The following RBM27 variants were observed in gnomAD, a reference collection of about 807,000 sequenced individuals.
The protein encoded by RBM27 is RNA-binding protein 27.
Under a neutral mutation model 135.3 loss-of-function variants are expected in RBM27, and 22 were observed. The observed-to-expected ratio is 0.16, with a 90% CI of 0.12 to 0.23. The LOEUF (loss-of-function observed/expected upper bound fraction) is 0.23, where lower values mean the gene tolerates loss of function less well. Among genes scored for constraint, RBM27 ranks in the 10% least tolerant of loss-of-function variants. RBM27 has a pLI of 1.00. For missense variants in RBM27, 1,009 were observed against 1,281.0 expected (o/e 0.79, Z 3.24); for synonymous variants, 481 against 442.4 (o/e 1.09, Z -1.10).
Position 146,206,222 on chromosome 5 carries a change from T to A in RBM27, c.59+2398T>A, listed in dbSNP as rs147879184. 2.4e-3 allele frequency among the ~76,000 whole-genome samples: 360 copies of A among 152,110 alleles called. 1 individual carries two copies. Among genetic ancestry groups the A allele is most frequent in the African/African-American group, 8.1e-3 (337 of 41,550 alleles). On this transcript the variant is annotated intron_variant, in intron 1 of 20. Transcript: ENST00000265271. ...ATGTCTTGGATAGAAGGTAACAACT[T>A]TTAGCCTTATAGTTACTTGCTTTTT...
chr5:146,270,000 C>T (rs1009378791), intron 17 of RBM27, among the ~76,000 whole-genome samples: 2 of 152,042 alleles, frequency 1.3e-5, no homozygotes, highest in African/African-American at 4.8e-5. Flanking sequence ...CTGAAGATGA[C>T]ACTATTAAAG....
At chr5:146,235,293 C>T (rs1055362152) in intron 7 of RBM27, among the ~76,000 whole-genome samples, 2 of 151,872 alleles carry the variant, frequency 1.3e-5, no homozygotes, top group Admixed American at 6.6e-5. Context: ...CAGTGGTGCA[C>T]GCCTGTAATT....
chr5:146,255,074 A>G lies in RBM27; in HGVS notation c.1576A>G (p.Met526Val). Residue 526 changes from methionine to valine, a missense_variant, in exon 10 of 21, where the codon ATG (methionine) becomes GTG (valine). Transcript: ENST00000265271. Reference protein sequence around the residue: ...PNLIGLTSGDMDVNPRAANIV... With the variant: ...PNLIGLTSGDVDVNPRAANIV... ...TCTGATTGGCCTAACATCTGGAGAT[A>G]TGGATGTAAATCCAAGAGGTGAGAA... 2 of 1,612,154 alleles carry G rather than the reference A, an allele frequency of 1.2e-6. No homozygotes were observed. Among genetic ancestry groups the G allele is most frequent in the Non-Finnish European group, 1.7e-6 (2 of 1,178,908 alleles).
At chr5:146,270,209 C>T (rs1045695721) in intron 17 of RBM27, among the ~76,000 whole-genome samples, 9 of 152,034 alleles carry the variant, frequency 5.9e-5, no homozygotes, top group African/African-American at 2.2e-4. Context: ...TGTTTCCTTG[C>T]TGTACTTGGT....
At position 146,280,843 on chromosome 5, in the gene RBM27, CTATT is replaced by C. The variant is rs372323215; in HGVS notation, c.2989-3777_2989-3774del. The stretch of plus-strand genomic sequence containing the variant: ...TGTAAACAAATGCCCCTTTTGCAGT[CTATT>C]TGTTTTATTTATTTATTTATTTATT... On this transcript the variant is annotated intron_variant, in intron 19 of 20. Coordinates refer to ENST00000265271, the MANE Select transcript of RBM27 (RefSeq NM_018989.2). Among the ~76,000 whole-genome samples the C allele has an allele frequency of 1.2e-3, 183 of 148,148 alleles. 2 individuals carry two copies. The highest frequency in any genetic ancestry group is 4.3e-3 in the African/African-American group (179 of 41,340).
intron 1 of RBM27, among the ~76,000 whole-genome samples, chr5:146,212,076 G>A (rs1328194526): frequency 6.6e-6 from 1 of 152,004 alleles, no homozygotes; most frequent in Non-Finnish European, 1.5e-5. Flanking sequence ...CCACCCCCGA[G>A]ATGGAGTCTT....
In RBM27 at chr5:146,263,589, A is replaced by C; in HGVS notation, c.2289A>C (p.Ser763=). The part of the protein sequence containing the change: ...GHAGGNQSDA[S]HLLNQSGGAG... ...CAGGTGGTAACCAGAGTGATGCATC[A>C]CATTTGTTGAATCAGTCTGGTGGTG... Residue 763 remains serine (S), a synonymous_variant, in exon 14 of 21, where the codon TCA becomes TCC. Transcript: ENST00000265271. 1 of 1,614,170 alleles carries C rather than the reference A, an allele frequency of 6.2e-7. No homozygotes were observed. The highest frequency in any genetic ancestry group is 8.5e-7 in the Non-Finnish European group (1 of 1,180,032).
At chr5:146,205,359 G>A (rs184382189) in intron 1 of RBM27, among the ~76,000 whole-genome samples, 89 of 152,180 alleles carry the variant, frequency 5.8e-4, no homozygotes, top group Middle Eastern at 3.4e-3. Context: ...GAAAGAAAGG[G>A]GTAGAAGAAG....
intron 17 of RBM27, among the ~76,000 whole-genome samples, 158 bp downstream of exon 17, chr5:146,269,742 CTTTTTTTTTTT>C: frequency 8.4e-6 from 1 of 118,934 alleles, no homozygotes; most frequent in East Asian, 2.3e-4. Context: ...ATTATAGTAC[CTTTTTTTTTTT>C]TTTTTTTTTT....
chr5:146,229,034 G>A lies in RBM27; in HGVS notation c.392G>A (p.Arg131Gln), dbSNP rs1170707329. 1.9e-6 allele frequency: 3 copies of A among 1,612,470 alleles called. No homozygotes were observed. Among genetic ancestry groups the A allele is most frequent in the South Asian group, 1.1e-5 (1 of 90,958 alleles). The change falls in exon 4 of 21, where the codon CGA becomes CAA. Residue 131 changes from arginine to glutamine, a missense_variant. By Grantham distance (43) the Arg-to-Gln change is conservative. Coordinates refer to ENST00000265271, the MANE Select transcript of RBM27 (RefSeq NM_018989.2). ...PQKTRSESSERRTREKKREDG... is the reference protein window; with the variant it reads ...PQKTRSESSEQRTREKKREDG... ...AAGACTCGTTCAGAATCTAGTGAAC[G>A]AAGGTTTGTGTTTATCTTTAATTAG... is the stretch of plus-strand genomic sequence containing the variant.
chr5:146,230,660 A>G lies in RBM27; in HGVS notation c.593A>G (p.His198Arg). The G allele has an allele frequency of 2.5e-6, 4 of 1,614,026 alleles. No individual in the cohort carries two copies. The highest frequency in any genetic ancestry group is 3.4e-6 in the Non-Finnish European group (4 of 1,179,888). ...KDRDPNRNVE[H>R]RERSKFKSER... ...TTTTAATTTTGTCTCCAAGTAGAGC[A>G]CAGGGAAAGATCGAAGTTTAAGAGT... Residue 198 changes from histidine to arginine, a missense_variant, in exon 6 of 21, where the codon CAC becomes CGC. Physicochemically the swap from His to Arg is conservative, Grantham distance 29. Transcript: ENST00000265271.
intron 15 of RBM27, among the ~76,000 whole-genome samples, 173 bp from the exon 16 acceptor site, chr5:146,269,034 G>C (rs1253623380): frequency 6.6e-6 from 1 of 152,144 alleles, no homozygotes; most frequent in Non-Finnish European, 1.5e-5. Context: ...AAGTACAGTT[G>C]TAAACTCTAT....
At chr5:146,204,474 G>C (rs976606623) in intron 1 of RBM27, among the ~76,000 whole-genome samples, 7 of 152,176 alleles carry the variant, frequency 4.6e-5, no homozygotes, top group Admixed American at 3.9e-4. Context: ...GATATTAAGG[G>C]ATTTTAAAGT....
At chr5:146,230,960 A>G (rs1161005505) in intron 6 of RBM27, 43 bp downstream of exon 6, 5 of 1,595,256 alleles carry the variant, frequency 3.1e-6, no homozygotes, top group South Asian at 1.1e-5. Context: ...CAAAAGTACT[A>G]GCAGAGCAAA....
rs1581196726 is a variant in RBM27 at position 146,249,512 on chromosome 5, C to A, written c.1280-2199C>A. On this transcript the variant is annotated intron_variant, in intron 8 of 20. Transcript: ENST00000265271. ...ACCAGCCTGGGCAACATGGTGAAAC[C>A]CCGTCCCTACTAAAAATGCAAAAAA... 2.0e-5 allele frequency among the ~76,000 whole-genome samples: 3 copies of A among 151,154 alleles called. No homozygotes were observed. The South Asian group carries it at 6.3e-4, about 32-fold the overall frequency.
intron 6 of RBM27, among the ~76,000 whole-genome samples, chr5:146,231,625 T>G (rs1185609953): frequency 6.6e-6 from 1 of 152,130 alleles, no homozygotes; most frequent in Non-Finnish European, 1.5e-5. Flanking sequence ...ATTTATTTAT[T>G]TATTTATTTT....
chr5:146,234,401 C>T (rs181257409), intron 7 of RBM27, among the ~76,000 whole-genome samples: 35 of 152,156 alleles, frequency 2.3e-4, no homozygotes, highest in African/African-American at 8.2e-4. Context: ...CTCTCCCATA[C>T]ACTTTCTTTG....
chr5:146,214,107 T>C (rs1408022930), intron 1 of RBM27, among the ~76,000 whole-genome samples: 1 of 152,246 alleles, frequency 6.6e-6, no homozygotes, highest in African/African-American at 2.4e-5. Flanking sequence ...AGCTGAGTTT[T>C]AGTTCCACAG....
chr5:146,224,798 C>T (rs1009238621), intron 3 of RBM27, among the ~76,000 whole-genome samples: 10 of 151,846 alleles, frequency 6.6e-5, no homozygotes, highest in South Asian at 2.1e-4. Context: ...AGGTTGGTCT[C>T]GAACTCCCAC....
Sources: gnomAD v4.1 joint callset for allele counts (sites outside exome capture counted in the v4.1 genomes callset) on GRCh38, gnomAD v4.1.1 for gene constraint, MANE v1.5 for transcripts, NCBI Gene and HGNC (gene_info 2026-07-23, HGNC 2026-07-21) for gene names.